The following PCDHA9 variants were observed in gnomAD, a reference collection of about 807,000 sequenced individuals.
The protein encoded by PCDHA9 is protocadherin alpha 9.
In PCDHA9, 62 loss-of-function variants were observed where a neutral mutation model predicts 62.0. That is an observed-to-expected ratio of 1.00 (90% CI 0.81 to 1.23). PCDHA9 has a LOEUF of 1.23. Among genes scored for constraint, PCDHA9 ranks in the 50% most tolerant of loss-of-function variants. PCDHA9 has a pLI of 0.00. For missense variants in PCDHA9, 1,205 were observed against 1,249.8 expected (o/e 0.96, Z 0.54); for synonymous variants, 557 against 567.6 (o/e 0.98, Z 0.27).
chr5:140,849,200 C>A lies in PCDHA9; in HGVS notation c.705C>A (p.Asn235Lys), dbSNP rs2150432715. Reference protein sequence around the residue: ...TVQLLITVLDNNDNAPVFDRT... With the variant: ...TVQLLITVLDKNDNAPVFDRT... ...AATTACTCATCACGGTACTGGACAA[C>A]AATGACAATGCCCCAGTGTTCGACA... Residue 235 changes from asparagine (N) to lysine (K), a missense_variant, in exon 1 of 4, where the codon AAC becomes AAA. By Grantham distance (94) the Asn-to-Lys change is moderately conservative (BLOSUM62 0). Coordinates refer to ENST00000532602, the MANE Select transcript of PCDHA9 (RefSeq NM_031857.2). 44 of 1,040,882 alleles carry A rather than the reference C, an allele frequency of 4.2e-5. No homozygotes were observed. The highest frequency in any genetic ancestry group is 5.3e-5 in the Non-Finnish European group (39 of 741,304). The allele number at this position is 1,040,882 out of a possible 1,614,324, so 64.5% of individuals were successfully genotyped here.
intron 1 of PCDHA9, among the ~76,000 whole-genome samples, chr5:140,906,628 G>A (rs976764797): frequency 2.0e-5 from 3 of 152,180 alleles, no homozygotes; most frequent in African/African-American, 7.2e-5. Context: ...CCTTCAGCAA[G>A]CACCTCAGCA....
chr5:140,887,788 G>A (rs1384145646), intron 1 of PCDHA9, among the ~76,000 whole-genome samples: 4 of 152,006 alleles, frequency 2.6e-5, no homozygotes, highest in Admixed American at 6.6e-5. Flanking sequence ...TCATTGAAGC[G>A]TTCTTTATTT....
chr5:140,922,381 A>T (rs1554200794), intron 1 of PCDHA9, among the ~76,000 whole-genome samples: 2 of 152,208 alleles, frequency 1.3e-5, no homozygotes, highest in Admixed American at 6.5e-5. Flanking sequence ...TGCAAAACCA[A>T]AGACTCCTTG....
At chr5:140,938,395 C>G (rs2092045479) in intron 1 of PCDHA9, among the ~76,000 whole-genome samples, 1 of 152,114 alleles carries the variant, frequency 6.6e-6, no homozygotes, top group African/African-American at 2.4e-5. Context: ...ATATGAAATA[C>G]ATTGTTTGAT....
At chr5:140,955,102 C>A (rs2095137498) in intron 1 of PCDHA9, among the ~76,000 whole-genome samples, 1 of 151,988 alleles carries the variant, frequency 6.6e-6, no homozygotes, top group Admixed American at 6.6e-5. Context: ...GGTGTTATTT[C>A]TGAGTTCTCT....
chr5:140,931,188 G>A (rs782167226), intron 1 of PCDHA9, among the ~76,000 whole-genome samples: 1 of 152,126 alleles, frequency 6.6e-6, no homozygotes, highest in South Asian at 2.1e-4. Flanking sequence ...GGAAATTGGT[G>A]CACTACAATG....
intron 1 of PCDHA9, among the ~76,000 whole-genome samples, chr5:140,901,318 T>A (rs1337437902): frequency 6.6e-6 from 1 of 152,202 alleles, no homozygotes; most frequent in African/African-American, 2.4e-5. Flanking sequence ...TTCCCCAATG[T>A]TTTCTTGTAG....
Position 140,849,369 on chromosome 5 carries a change from A to T in PCDHA9, c.874A>T (p.Lys292Ter). Residue 292 changes from lysine (K) to a stop codon, truncating the protein, a stop_gained, in exon 1 of 4, where the codon AAG (lysine) becomes TAG (stop). Transcript: ENST00000532602. LOFTEE classifies it high-confidence loss of function. ...TGATGTTTCTCCAGATATAAAATCC[A>T]AGTTCCACATGGACCCCTTAAGTGG... is the stretch of plus-strand genomic sequence containing the variant. ...SSDVSPDIKS[K>*]FHMDPLSGAI... 6.7e-7 allele frequency: 1 copy of T among 1,490,294 alleles called. No homozygotes were observed. Among genetic ancestry groups the T allele is most frequent in the Non-Finnish European group, 9.2e-7 (1 of 1,090,334 alleles). 92.3% of individuals were successfully genotyped at this position (1,490,294 alleles called of 1,614,324 possible). A position where few individuals can be genotyped will look rare whatever the true frequency, so the allele number is the denominator to read the frequency against.
At chr5:140,877,316 C>T in intron 1 of PCDHA9, 1 of 1,613,948 alleles carries the variant, frequency 6.2e-7, no homozygotes. Flanking sequence ...CAACCGGCGG[C>T]GGTCGGCGCG....
At chr5:140,967,869 C>A in intron 1 of PCDHA9, 1 of 1,614,160 alleles carries the variant, frequency 6.2e-7, no homozygotes, top group South Asian at 1.1e-5. Flanking sequence ...GTGGTGCTCA[C>A]GGACCTGTAT....
chr5:140,868,979 C>T, intron 1 of PCDHA9: 6 of 1,485,290 alleles, frequency 4.0e-6, no homozygotes, highest in Non-Finnish European at 5.4e-6. Flanking sequence ...TCCATCATAC[C>T]GGATGCCACC....
intron 1 of PCDHA9, chr5:140,882,841 A>G: frequency 6.2e-7 from 1 of 1,614,232 alleles, no homozygotes; most frequent in East Asian, 2.2e-5. Flanking sequence ...AAATGTCTTC[A>G]TTATCACTTG....
chr5:140,869,748 A>G, intron 1 of PCDHA9: 1 of 1,613,334 alleles, frequency 6.2e-7, no homozygotes, highest in Admixed American at 1.7e-5. Flanking sequence ...TAACAGCTAC[A>G]GACGGGGGAA....
At chr5:140,998,054 A>G (rs562918919) in intron 3 of PCDHA9, among the ~76,000 whole-genome samples, 37 of 152,304 alleles carry the variant, frequency 2.4e-4, no homozygotes, top group African/African-American at 8.9e-4. Flanking sequence ...CAGTGACATC[A>G]TCATCAACAG....
intron 1 of PCDHA9, among the ~76,000 whole-genome samples, chr5:140,885,900 C>G (rs1387318205): frequency 6.6e-6 from 1 of 152,120 alleles, no homozygotes; most frequent in Non-Finnish European, 1.5e-5. Flanking sequence ...GAAAAGTTCT[C>G]TGTACCTTAT....
At chr5:140,986,355 T>G (rs1381730343) in intron 3 of PCDHA9, among the ~76,000 whole-genome samples, 6 of 152,154 alleles carry the variant, frequency 3.9e-5, no homozygotes, top group African/African-American at 1.4e-4. Context: ...CTTCTTCAGA[T>G]GGAGGAATGC....
chr5:140,914,159 G>A (rs1193212496), intron 1 of PCDHA9, among the ~76,000 whole-genome samples: 3 of 152,088 alleles, frequency 2.0e-5, no homozygotes, highest in African/African-American at 4.8e-5. Flanking sequence ...TGTCCAATAC[G>A]GAAAGTGGGG....
intron 1 of PCDHA9, among the ~76,000 whole-genome samples, chr5:140,898,007 A>G (rs1477147548): frequency 2.3e-4 from 35 of 152,100 alleles, no homozygotes; most frequent in African/African-American, 8.5e-4. Context: ...GTGTCTGTTC[A>G]TATCCTTTGC....
chr5:140,965,496 A>ATT lies in PCDHA9; in HGVS notation c.2395-13439_2395-13438dup, dbSNP rs71766133. On this transcript the variant is annotated intron_variant, in intron 1 of 3. Coordinates refer to ENST00000532602, the MANE Select transcript of PCDHA9 (RefSeq NM_031857.2). Reference sequence around the variant, plus strand: ...CCCACATTTTGCTTAATGACAGCAGATTTTTTTTTTTTTTTAACTGCAAAG... The same window carrying ATT: ...CCCACATTTTGCTTAATGACAGCAGATTTTTTTTTTTTTTTTTAACTGCAAAG... Among the ~76,000 whole-genome samples the ATT allele has an allele frequency of 3.3e-3, 482 of 146,482 alleles. 3 individuals are homozygous for ATT. The highest frequency in any genetic ancestry group is 0.011 in the African/African-American group (455 of 40,032).
Sources: allele counts gnomAD v4.1 joint callset (sites outside exome capture counted in the v4.1 genomes callset), GRCh38; gene constraint gnomAD v4.1.1; transcripts MANE v1.5; gene names NCBI Gene and HGNC (gene_info 2026-07-23, HGNC 2026-07-21).